Variants in SGCZ observed in about 807,000 individuals in gnomAD.
SGCZ encodes the protein zeta-sarcoglycan.
In SGCZ, 40 loss-of-function variants were observed where a neutral mutation model predicts 41.3. The observed-to-expected ratio is 0.97, with a 90% CI of 0.75 to 1.26. SGCZ has a LOEUF of 1.26. Among genes scored for constraint, SGCZ ranks in the 50% most tolerant of loss-of-function variants. The pLI is 0.00. For synonymous variants in SGCZ, 206 were observed against 137.5 expected, an observed-to-expected ratio of 1.50 and a Z score of -3.49; for missense variants, 552 against 369.8, an observed-to-expected ratio of 1.49 and a Z score of -4.04.
chr8:14,500,190 C>T (rs1396286834), intron 2 of SGCZ, among the ~76,000 whole-genome samples: 1 of 152,030 alleles, frequency 6.6e-6, no homozygotes, highest in Admixed American at 6.6e-5. Flanking sequence ...TAAAGAATCG[C>T]TTAAAATATA....
chr8:15,091,657 G>A (rs1219281977), intron 1 of SGCZ, among the ~76,000 whole-genome samples: 1 of 152,134 alleles, frequency 6.6e-6, no homozygotes, highest in East Asian at 1.9e-4. Context: ...ATTTAAATAA[G>A]GACCTGATGT....
intron 1 of SGCZ, among the ~76,000 whole-genome samples, chr8:14,897,009 C>A (rs1185053885): frequency 6.6e-6 from 1 of 151,294 alleles, no homozygotes; most frequent in Non-Finnish European, 1.5e-5. Context: ...GTCTCGAACT[C>A]CTGACCTCAT....
At chr8:14,231,199 T>TGTGTGGG (rs1563200021) in intron 4 of SGCZ, among the ~76,000 whole-genome samples, 3 of 41,252 alleles carry the variant, frequency 7.3e-5, no homozygotes, top group African/African-American at 1.9e-4. Flanking sequence ...GTGTGTGTAG[T>TGTGTGGG]GGGGAGAGAG....
intron 1 of SGCZ, among the ~76,000 whole-genome samples, chr8:15,131,835 G>C (rs1367222461): frequency 1.3e-5 from 2 of 152,182 alleles, no homozygotes; most frequent in African/African-American, 4.8e-5. Context: ...AATAAATATA[G>C]TTTTGGTGGA....
At chr8:15,069,415 A>C (rs1805271879) in intron 1 of SGCZ, among the ~76,000 whole-genome samples, 1 of 152,208 alleles carries the variant, frequency 6.6e-6, no homozygotes, top group Non-Finnish European at 1.5e-5. Flanking sequence ...ATTGCAAAAA[A>C]ATGCATGTAA....
In SGCZ at chr8:14,720,942, A is replaced by C. The variant is rs767903296; in HGVS notation, c.40-166016T>G. On this transcript the variant is annotated intron_variant, in intron 1 of 7. Transcript: ENST00000382080. ...TTTTTTAATTTTTTTTATGATTATA[A>C]ATGACCCCAAATTGCTAAAGGCAAA... Among the ~76,000 whole-genome samples, 8 of 151,952 alleles carry C rather than the reference A, an allele frequency of 5.3e-5. 1 individual carries two copies. The highest frequency in any genetic ancestry group is 1.0e-4 in the Non-Finnish European group (7 of 67,992).
At chr8:14,189,980 G>A (rs1393313811) in intron 4 of SGCZ, among the ~76,000 whole-genome samples, 2 of 150,342 alleles carry the variant, frequency 1.3e-5, no homozygotes, top group Non-Finnish European at 3.0e-5. Context: ...CATGTTGTCA[G>A]AAATGGGAGA....
chr8:14,924,800 T>C (rs758855219), intron 1 of SGCZ, among the ~76,000 whole-genome samples: 8 of 151,954 alleles, frequency 5.3e-5, no homozygotes, highest in Admixed American at 1.3e-4. Flanking sequence ...ATTAACATTA[T>C]CATTGTTTTA....
rs112124671 is a variant in SGCZ, at chr8:14,339,141, A to G, written c.235-14937T>C. Among the ~76,000 whole-genome samples, 6 of 152,318 alleles carry G rather than the reference A, an allele frequency of 3.9e-5. 1 individual carries two copies. Among genetic ancestry groups the G allele is most frequent in the African/African-American group, 1.4e-4 (6 of 41,576 alleles). On this transcript the variant is annotated intron_variant, in intron 2 of 7. Transcript: ENST00000382080. ...GTTCTATTAAAGAAAAATCAGTGCT[A>G]CGAAAGCACTTTACTTCTACTGCAA...
intron 2 of SGCZ, among the ~76,000 whole-genome samples, chr8:14,447,412 G>A (rs778705176): frequency 6.6e-6 from 1 of 151,952 alleles, no homozygotes; most frequent in Non-Finnish European, 1.5e-5. Flanking sequence ...AACATCTAAT[G>A]GAATCCCAGG....
intron 2 of SGCZ, among the ~76,000 whole-genome samples, chr8:14,338,749 T>A (rs978301213): frequency 6.6e-6 from 1 of 152,210 alleles, no homozygotes; most frequent in Non-Finnish European, 1.5e-5. Context: ...CTGGCTTTTT[T>A]TGCCTTTACA....
At chr8:14,922,205 A>T (rs951029627) in intron 1 of SGCZ, among the ~76,000 whole-genome samples, 1 of 151,850 alleles carries the variant, frequency 6.6e-6, no homozygotes. Context: ...CACAAGCAGA[A>T]AATGACTGCG....
At chr8:14,315,431 G>A (rs899780597) in intron 3 of SGCZ, among the ~76,000 whole-genome samples, 3 of 152,024 alleles carry the variant, frequency 2.0e-5, no homozygotes, top group Non-Finnish European at 4.4e-5. Flanking sequence ...AAACTAAAAA[G>A]TTAAAACTCT....
At chr8:15,167,693 G>A (rs1018099206) in intron 1 of SGCZ, among the ~76,000 whole-genome samples, 40 of 146,398 alleles carry the variant, frequency 2.7e-4, no homozygotes, top group East Asian at 8.7e-4. Context: ...AAAAAAATAC[G>A]GTCTAGAGAG....
intron 1 of SGCZ, among the ~76,000 whole-genome samples, chr8:14,735,834 T>C (rs1032729823): frequency 2.6e-5 from 4 of 152,100 alleles, no homozygotes. Context: ...CTTGTGCTAT[T>C]AGGGAGGCCT....
At chr8:14,462,383 C>G (rs1318421828) in intron 2 of SGCZ, among the ~76,000 whole-genome samples, 1 of 151,832 alleles carries the variant, frequency 6.6e-6, no homozygotes, top group Non-Finnish European at 1.5e-5. Context: ...ATATTTTTAA[C>G]CATACTATTT....
chr8:14,506,135 A>G (rs960712169), intron 2 of SGCZ, among the ~76,000 whole-genome samples: 1 of 152,212 alleles, frequency 6.6e-6, no homozygotes, highest in South Asian at 2.1e-4. Context: ...CAGGAGTTCA[A>G]GACCAGCCTG....
intron 1 of SGCZ, among the ~76,000 whole-genome samples, chr8:14,587,102 G>T (rs1585102705): frequency 1.3e-5 from 2 of 151,164 alleles, no homozygotes; most frequent in Middle Eastern, 3.5e-3. Flanking sequence ...CTAAAGTTAG[G>T]CATAAGCATT....
At chr8:15,218,920 C>T (rs1328598077) in intron 1 of SGCZ, among the ~76,000 whole-genome samples, 2 of 152,112 alleles carry the variant, frequency 1.3e-5, no homozygotes, top group Non-Finnish European at 2.9e-5. Flanking sequence ...ACAAGTGGCG[C>T]TGAAAATGAA....
Sources: gnomAD v4.1 joint callset for allele counts (sites outside exome capture counted in the v4.1 genomes callset) on GRCh38, gnomAD v4.1.1 for gene constraint, MANE v1.5 for transcripts, NCBI Gene and HGNC (gene_info 2026-07-23, HGNC 2026-07-21) for gene names.